SDK2: variants seen among roughly 807,000 people sequenced by gnomAD.
The protein encoded by SDK2 is sidekick cell adhesion molecule 2.
A neutral mutation model predicts 253.9 loss-of-function variants in SDK2; 105 were observed. The ratio of observed to expected loss-of-function variants is 0.41; its 90% confidence interval spans 0.35 to 0.49. SDK2 has a LOEUF of 0.49. Among genes scored for constraint, SDK2 ranks in the 20% least tolerant of loss-of-function variants. SDK2 has a pLI of 0.06. For missense variants in SDK2, 2,608 were observed against 3,003.0 expected (o/e 0.87, Z 3.07); for synonymous variants, 1,249 against 1,234.9 (o/e 1.01, Z -0.24).
At chr17:73,416,810 C>T (rs1021496250) in intron 16 of SDK2, among the ~76,000 whole-genome samples, 4 of 151,474 alleles carry the variant, frequency 2.6e-5, no homozygotes, top group East Asian at 2.0e-4. Flanking sequence ...AGGCTGGTCT[C>T]GAACTCCTGA....
At chr17:73,600,031 G>A (rs1210690428) in intron 1 of SDK2, among the ~76,000 whole-genome samples, 1 of 152,218 alleles carries the variant, frequency 6.6e-6, no homozygotes, top group Non-Finnish European at 1.5e-5. Flanking sequence ...TCGTCACTAT[G>A]TTTTCTCAAA....
intron 1 of SDK2, among the ~76,000 whole-genome samples, chr17:73,551,463 G>A (rs9916570): frequency 0.27 from 41,101 of 152,112 alleles, 7,877 homozygotes; most frequent in African/African-American, 0.54. Context: ...ATGGGGAGGG[G>A]GCGGAGCGGC....
At chr17:73,423,720 C>G (rs1287527841) in intron 13 of SDK2, among the ~76,000 whole-genome samples, 196 bp downstream of exon 13, 1 of 152,222 alleles carries the variant, frequency 6.6e-6, no homozygotes, top group East Asian at 1.9e-4. Flanking sequence ...CCTCACACCC[C>G]CCTGCTCTTG....
intron 1 of SDK2, among the ~76,000 whole-genome samples, chr17:73,580,997 T>C (rs909662204): frequency 6.6e-6 from 1 of 151,976 alleles, no homozygotes; most frequent in African/African-American, 2.4e-5. Context: ...GGCTCAAGTG[T>C]CTCAGCCTTC....
At chr17:73,497,945 G>A (rs963893107) in intron 2 of SDK2, among the ~76,000 whole-genome samples, 1 of 152,112 alleles carries the variant, frequency 6.6e-6, no homozygotes, top group African/African-American at 2.4e-5. Context: ...GGATGGAGCC[G>A]CAGGGACCAT....
At chr17:73,387,801 G>A in intron 30 of SDK2, 35 bp downstream of exon 30, 1 of 1,508,854 alleles carries the variant, frequency 6.6e-7, no homozygotes, top group African/African-American at 1.4e-5. Context: ...CGGGGAGAGG[G>A]GCAGTGGGGA....
intron 12 of SDK2, among the ~76,000 whole-genome samples, chr17:73,427,642 CAAAAA>C (rs9302965): frequency 9.4e-6 from 1 of 105,824 alleles, no homozygotes; most frequent in East Asian, 2.9e-4. Flanking sequence ...CATCCACATG[CAAAAA>C]AAAAAAAAAA....
Position 73,455,860 on chromosome 17 carries a change from C to A in SDK2, c.479+46G>T. ...CTTTATCTGGCCCCAAACCTCCTCC[C>A]CCAGACACCCCTCCCCTCCCCGTCC... On this transcript the variant is annotated intron_variant, in intron 4 of 44. Coordinates refer to ENST00000392650, the MANE Select transcript of SDK2 (RefSeq NM_001144952.2). The surrounding 1 kb of genome is among the most constrained non-coding windows in gnomAD (Gnocchi z 5.0). 6.6e-7 allele frequency: 1 copy of A among 1,506,772 alleles called. No homozygotes were observed. Among genetic ancestry groups the A allele is most frequent in the South Asian group, 1.2e-5 (1 of 80,680 alleles). The allele number at this position is 1,506,772 out of a possible 1,614,324, so 93.3% of individuals were successfully genotyped here. A position where few individuals can be genotyped will look rare whatever the true frequency, so the allele number is the denominator to read the frequency against.
chr17:73,492,153 C>G (rs2063810172), intron 2 of SDK2, among the ~76,000 whole-genome samples: 1 of 152,158 alleles, frequency 6.6e-6, no homozygotes, highest in Admixed American at 6.5e-5. Context: ...CTGTCCCCAC[C>G]AAGCCCAGCC....
chr17:73,438,184 A>G (rs1430489571), intron 6 of SDK2, 30 bp from the exon 7 acceptor site: 2 of 1,533,756 alleles, frequency 1.3e-6, no homozygotes, highest in Non-Finnish European at 1.8e-6. Flanking sequence ...GCCAGTGTTC[A>G]GCCATGAGGA....
rs1336718624 is a variant in SDK2 at position 73,423,414 on chromosome 17, G to T, written c.1869C>A (p.Ile623=). 1.9e-6 allele frequency: 3 copies of T among 1,557,742 alleles called. No individual in the cohort carries two copies. The highest frequency in any genetic ancestry group is 2.6e-6 in the Non-Finnish European group (3 of 1,149,700). The change falls in exon 14 of 45, where the codon ATC becomes ATA. Residue 623 remains isoleucine (I), a synonymous_variant. Transcript: ENST00000392650. ...TKPFDGNSPL[I]RYILEMSENN... is the part of the protein sequence containing the mutation. ...TCTCCGACATCTCCAGAATGTAGCG[G>T]ATCAGGGGGCTGTTGCCATCAAAGG...
At chr17:73,521,639 T>C (rs1269269243) in intron 1 of SDK2, among the ~76,000 whole-genome samples, 2 of 152,170 alleles carry the variant, frequency 1.3e-5, no homozygotes, top group African/African-American at 4.8e-5. Context: ...TGGGGATGCA[T>C]TTCCAATCAC....
intron 1 of SDK2, chr17:73,513,485 C>A (rs1186507847): frequency 6.6e-6 from 1 of 152,166 alleles, no homozygotes; most frequent in Non-Finnish European, 1.5e-5. Context: ...CAACAGGCAC[C>A]CTCGCAGACA....
Position 73,395,768 on chromosome 17 carries a change from C to T in SDK2, c.3355-376G>A, listed in dbSNP as rs372520720. On this transcript the variant is annotated intron_variant, in intron 24 of 44. Coordinates refer to ENST00000392650, the MANE Select transcript of SDK2 (RefSeq NM_001144952.2). This position sits in a 1 kb window ranked among gnomAD's most constrained non-coding sequence, Gnocchi z 4.3. ...CTGTCACTCAGGCTGCCAGCACACA[C>T]TTAATTGCCTACCGCACCTGGTCTC... is the stretch of plus-strand genomic sequence containing the variant. Among the ~76,000 whole-genome samples the T allele has an allele frequency of 4.3e-4, 65 of 152,338 alleles. No individual in the cohort carries two copies. Among genetic ancestry groups the T allele is most frequent in the African/African-American group, 1.2e-3 (49 of 41,584 alleles).
Position 73,639,353 on chromosome 17 carries a change from CG to C in SDK2, c.64+4671del, listed in dbSNP as rs2046369167. On this transcript the variant is annotated intron_variant, in intron 1 of 44. Coordinates refer to ENST00000392650, the MANE Select transcript of SDK2 (RefSeq NM_001144952.2). The surrounding 1 kb of genome is among the most constrained non-coding windows in gnomAD (Gnocchi z 4.3). ...CTGCAGTCCCCTCTCTCCCTTCCCC[CG>C]GGGATGCTGAGCATCCCTGCTCAAC... 6.6e-6 allele frequency among the ~76,000 whole-genome samples: 1 copy of C among 152,264 alleles called. No homozygotes were observed. The highest frequency in any genetic ancestry group is 1.5e-5 in the Non-Finnish European group (1 of 68,014).
rs546778617 is a variant in SDK2 at position 73,629,815 on chromosome 17, G to A, written c.64+14210C>T. On this transcript the variant is annotated intron_variant, in intron 1 of 44. Coordinates refer to ENST00000392650, the MANE Select transcript of SDK2 (RefSeq NM_001144952.2). This position sits in a 1 kb window ranked among gnomAD's most constrained non-coding sequence, Gnocchi z 5.0. ...AGTAAGTGCATGAGAAGCAAAAGAG[G>A]TTCATGGTTTTGGTTATCCATTGGC... Among the ~76,000 whole-genome samples the A allele has an allele frequency of 6.6e-6, 1 of 152,160 alleles. No homozygotes were observed. Among genetic ancestry groups the A allele is most frequent in the Admixed American group, 6.5e-5 (1 of 15,268 alleles).
chr17:73,566,883 A>C (rs528791193), intron 1 of SDK2, among the ~76,000 whole-genome samples: 68 of 152,070 alleles, frequency 4.5e-4, no homozygotes, highest in Non-Finnish European at 8.8e-4. Context: ...AAAAAAAAAA[A>C]AAAAGCAGAG....
intron 36 of SDK2, among the ~76,000 whole-genome samples, chr17:73,375,913 A>G (rs553686448): frequency 6.6e-6 from 1 of 151,924 alleles, no homozygotes; most frequent in South Asian, 2.1e-4. Flanking sequence ...ATAAAATTTC[A>G]GGCTGGATGC....
intron 41 of SDK2, 36 bp from the exon 42 acceptor site, chr17:73,350,826 GC>G (rs762626556): frequency 2.6e-6 from 4 of 1,566,496 alleles, no homozygotes; most frequent in Admixed American, 3.9e-5. Flanking sequence ...AGGGTGCTCA[GC>G]CCCCTCCTCC....
Sources: gnomAD v4.1 joint callset for allele counts (sites outside exome capture counted in the v4.1 genomes callset) on GRCh38, gnomAD v4.1.1 for gene constraint, Gnocchi (gnomAD v3.1) non-coding constraint, MANE v1.5 for transcripts, NCBI Gene and HGNC (gene_info 2026-07-23, HGNC 2026-07-21) for gene names.